The following DAB1 variants were observed in gnomAD, a reference collection of about 807,000 sequenced individuals.
DAB1 encodes the protein DAB adaptor protein 1.
A neutral mutation model predicts 64.6 loss-of-function variants in DAB1; 15 were observed. That is an observed-to-expected ratio of 0.23 (90% confidence interval 0.16 to 0.36). The LOEUF (loss-of-function observed/expected upper bound fraction) is 0.36. Ranked by LOEUF, DAB1 falls within the 10% of genes least tolerant of loss-of-function variation. DAB1 has a pLI of 1.00. For missense variants in DAB1, 596 were observed against 706.7 expected, an observed-to-expected ratio of 0.84 and a Z score of 1.78; for synonymous variants, 235 against 251.9, an observed-to-expected ratio of 0.93 and a Z score of 0.64.
At chr1:57,647,385 C>T (rs1646205594) in intron 7 of DAB1, among the ~76,000 whole-genome samples, 1 of 152,210 alleles carries the variant, frequency 6.6e-6, no homozygotes, top group Admixed American at 6.5e-5. Flanking sequence ...GGTGGTAACT[C>T]CTTGGGACTC....
chr1:57,851,066 T>A (rs1653501808), intron 1 of DAB1, among the ~76,000 whole-genome samples: 1 of 152,202 alleles, frequency 6.6e-6, no homozygotes. Flanking sequence ...ATTTCTTAAT[T>A]ATGGTTTAAA....
At chr1:58,134,537 C>T (rs1308977545) in intron 5 of DAB1, among the ~76,000 whole-genome samples, 1 of 152,022 alleles carries the variant, frequency 6.6e-6, no homozygotes, top group African/African-American at 2.4e-5. Flanking sequence ...GAGGTTTAAT[C>T]AGCTCATGCT....
At chr1:57,653,813 T>C (rs1405059746) in intron 6 of DAB1, among the ~76,000 whole-genome samples, 2 of 152,094 alleles carry the variant, frequency 1.3e-5, no homozygotes, top group Non-Finnish European at 2.9e-5. Flanking sequence ...GGGTTCGCCA[T>C]GTTGGCCAGG....
chr1:57,878,046 T>G (rs1644081113), intron 1 of DAB1, among the ~76,000 whole-genome samples: 2 of 152,184 alleles, frequency 1.3e-5, no homozygotes, highest in African/African-American at 4.8e-5. Flanking sequence ...CCTAAACATA[T>G]GTTTGGAACA....
chr1:58,038,326 T>C (rs1647078944), intron 5 of DAB1, among the ~76,000 whole-genome samples: 1 of 152,096 alleles, frequency 6.6e-6, no homozygotes, highest in South Asian at 2.1e-4. Context: ...TGGAAGGAAT[T>C]CAGCTTGACT....
chr1:58,518,369 AGAAGG>A (rs1299203141), intron 2 of DAB1, among the ~76,000 whole-genome samples: 3 of 140,132 alleles, frequency 2.1e-5, no homozygotes, highest in Non-Finnish European at 3.1e-5. Flanking sequence ...GGAAGAGAAG[AGAAGG>A]GAAGAAAAGA....
At chr1:58,052,897 A>G (rs1265674776) in intron 5 of DAB1, among the ~76,000 whole-genome samples, 1 of 152,218 alleles carries the variant, frequency 6.6e-6, no homozygotes, top group African/African-American at 2.4e-5. Flanking sequence ...CTGTACAAGA[A>G]ACATAGTGCC....
At chr1:57,675,168 A>G (rs997052222) in intron 6 of DAB1, among the ~76,000 whole-genome samples, 1 of 152,232 alleles carries the variant, frequency 6.6e-6, no homozygotes, top group African/African-American at 2.4e-5. Context: ...TCATGCAAGT[A>G]AGAAAAACCA....
chr1:57,722,155 G>T (rs1377726908), intron 6 of DAB1, among the ~76,000 whole-genome samples: 1 of 152,094 alleles, frequency 6.6e-6, no homozygotes, highest in Admixed American at 6.5e-5. Flanking sequence ...AGAAAGCAGG[G>T]AGCAATTCAC....
intron 2 of DAB1, among the ~76,000 whole-genome samples, chr1:57,193,381 GTTTT>G (rs999329119): frequency 2.4e-5 from 2 of 83,066 alleles, no homozygotes; most frequent in South Asian, 3.9e-4. Flanking sequence ...CGTAGCATAT[GTTTT>G]TTTTTTTTTT....
At chr1:58,357,649 G>A (rs900458137) in intron 3 of DAB1, among the ~76,000 whole-genome samples, 12 of 152,134 alleles carry the variant, frequency 7.9e-5, no homozygotes, top group African/African-American at 2.4e-4. Flanking sequence ...AATGGCATTC[G>A]AATCACCTGG....
At chr1:57,139,582 T>C (rs1002102005) in intron 3 of DAB1, among the ~76,000 whole-genome samples, 7 of 152,154 alleles carry the variant, frequency 4.6e-5, no homozygotes, top group African/African-American at 1.7e-4. Flanking sequence ...CTTCTTCCTT[T>C]AGGTGAGAAG....
At chr1:57,221,889 A>ATTTTTT (rs34829466) in intron 2 of DAB1, among the ~76,000 whole-genome samples, 1 of 144,730 alleles carries the variant, frequency 6.9e-6, no homozygotes, top group Admixed American at 6.8e-5. Flanking sequence ...GTTAAATGTC[A>ATTTTTT]TTTTTTTTTT....
At chr1:57,282,121 T>C (rs549120640) in intron 2 of DAB1, among the ~76,000 whole-genome samples, 66 of 143,366 alleles carry the variant, frequency 4.6e-4, no homozygotes, top group Non-Finnish European at 8.7e-4. Context: ...AGGCAGACAT[T>C]GCAGTGAGCT....
chr1:57,256,781 G>A (rs1205841811), intron 2 of DAB1, among the ~76,000 whole-genome samples: 2 of 152,108 alleles, frequency 1.3e-5, no homozygotes, highest in Admixed American at 1.3e-4. Context: ...TTCCTGACAT[G>A]GGACAAGCCT....
At chr1:58,256,390 G>A (rs1276672857) in intron 4 of DAB1, among the ~76,000 whole-genome samples, 1 of 152,216 alleles carries the variant, frequency 6.6e-6, no homozygotes, top group African/African-American at 2.4e-5. Context: ...AGGGCCAGCA[G>A]CCAGCCAGCG....
chr1:57,842,555 A>C (rs1356090676), intron 1 of DAB1, among the ~76,000 whole-genome samples: 1 of 152,228 alleles, frequency 6.6e-6, no homozygotes, highest in Non-Finnish European at 1.5e-5. Context: ...ATTGGCTCAC[A>C]GTTCTGAATG....
In DAB1 at chr1:57,642,974, G is replaced by A. The variant is rs994296046; in HGVS notation, n.625+6618C>T. 3.9e-5 allele frequency among the ~76,000 whole-genome samples: 6 copies of A among 152,182 alleles called. No individual in the cohort carries two copies. In the South Asian group the frequency reaches 1.0e-3, roughly 26 times the overall value. ...TGCTGGACTACGGCACTTGTTTGAT[G>A]CTTGTAAGATAGGCAGGATGTGTGT... On this transcript the variant is annotated intron_variant and non_coding_transcript_variant, in intron 7 of 20. Coordinates refer to the DAB1 transcript ENST00000485760.
intron 5 of DAB1, chr1:58,047,840 A>AT (rs144716023): frequency 0.016 from 3,913 of 245,922 alleles, 129 homozygotes; most frequent in African/African-American, 0.08. Context: ...AACCTGAACT[A>AT]CTTTTTTTAA....
Sources: allele counts gnomAD v4.1 joint callset (sites outside exome capture counted in the v4.1 genomes callset), GRCh38; gene constraint gnomAD v4.1.1; transcripts MANE v1.5; gene names NCBI Gene and HGNC (gene_info 2026-07-23, HGNC 2026-07-21).